NOVA1: variants seen among roughly 807,000 people sequenced by gnomAD.
NOVA1 encodes NOVA alternative splicing regulator 1.
NOVA1 carries 7 observed loss-of-function variants against 38.0 expected under a neutral mutation model. That is an observed-to-expected ratio of 0.18 (90% CI 0.10 to 0.35). The LOEUF is 0.35. NOVA1 is among the 10% of genes least tolerant of loss of function. The pLI, the probability that NOVA1 is intolerant of heterozygous loss-of-function variation, is 1.00. For synonymous variants in NOVA1, 270 were observed against 232.5 expected, an observed-to-expected ratio of 1.16 and a Z score of -1.47; for missense variants, 460 against 616.0, an observed-to-expected ratio of 0.75 and a Z score of 2.68.
At chr14:26,528,421 T>C (rs1313677163) in intron 2 of NOVA1, among the ~76,000 whole-genome samples, 1 of 152,076 alleles carries the variant, frequency 6.6e-6, no homozygotes, top group African/African-American at 2.4e-5. Flanking sequence ...CTAAGCCATG[T>C]AGGGCCAACT....
At chr14:26,470,336 A>G in intron 4 of NOVA1, 1 of 1,461,488 alleles carries the variant, frequency 6.8e-7, no homozygotes. Context: ...CTACCACATG[A>G]TTAGAATCTA....
rs180850606 is a variant in NOVA1 at position 26,534,633 on chromosome 14, G to C, written c.281-54490C>G. Among the ~76,000 whole-genome samples the C allele has an allele frequency of 1.3e-4, 20 of 152,054 alleles. No individual in the cohort carries two copies. In the East Asian group the frequency reaches 3.3e-3, roughly 25 times the overall value. On this transcript the variant is annotated intron_variant, in intron 2 of 4. Coordinates refer to ENST00000539517, the MANE Select transcript of NOVA1 (RefSeq NM_002515.3). ...ATAAAATTAATAATTATTCTATATG[G>C]GCAGGCTGAATAAAGGTCACTCACA...
At chr14:26,551,478 T>C (rs182728190) in intron 2 of NOVA1, among the ~76,000 whole-genome samples, 2 of 152,218 alleles carry the variant, frequency 1.3e-5, no homozygotes, top group Admixed American at 1.3e-4. Context: ...AATAGATCGA[T>C]ATCACAAACT....
At chr14:26,497,353 T>C (rs542988606) in intron 2 of NOVA1, among the ~76,000 whole-genome samples, 2 of 152,264 alleles carry the variant, frequency 1.3e-5, no homozygotes, top group Admixed American at 1.3e-4. Flanking sequence ...ATCAATATCA[T>C]GAAAATGGCC....
intron 4 of NOVA1, among the ~76,000 whole-genome samples, chr14:26,450,526 A>G (rs577621499): frequency 6.6e-6 from 1 of 152,298 alleles, no homozygotes; most frequent in Admixed American, 6.5e-5. Flanking sequence ...TCAAGAACTT[A>G]GAAAGTTTGA....
At chr14:26,540,966 C>G (rs1890431072) in intron 2 of NOVA1, among the ~76,000 whole-genome samples, 1 of 151,870 alleles carries the variant, frequency 6.6e-6, no homozygotes, top group Non-Finnish European at 1.5e-5. Context: ...AGAGTTTTAT[C>G]AACAGAGATA....
chr14:26,578,436 G>A (rs943147269), intron 2 of NOVA1, among the ~76,000 whole-genome samples: 7 of 151,918 alleles, frequency 4.6e-5, no homozygotes, highest in Non-Finnish European at 1.0e-4. Flanking sequence ...TGATACTGCA[G>A]GAAAGTGGAG....
At chr14:26,504,237 G>A (rs1347170725) in intron 2 of NOVA1, among the ~76,000 whole-genome samples, 1 of 152,034 alleles carries the variant, frequency 6.6e-6, no homozygotes, top group South Asian at 2.1e-4. Flanking sequence ...ACTATGTAGC[G>A]TACATCTGGA....
intron 4 of NOVA1, among the ~76,000 whole-genome samples, chr14:26,462,421 TATC>T (rs1260495722): frequency 6.6e-6 from 1 of 152,194 alleles, no homozygotes; most frequent in African/African-American, 2.4e-5. Flanking sequence ...AATGTGCTCT[TATC>T]ATGTGATAGT....
At chr14:26,470,333 A>G (rs754965756) in intron 4 of NOVA1, 2 of 1,455,242 alleles carry the variant, frequency 1.4e-6, no homozygotes, top group Non-Finnish European at 1.9e-6. Flanking sequence ...GCCCTACCAC[A>G]TGATTAGAAT....
Position 26,448,427 on chromosome 14 carries a change from G to A in NOVA1, c.1056C>T (p.Ala352=), listed in dbSNP as rs377443338. The part of the protein sequence containing the change: ...TGALAAAAAS[A]NPAAAAANLL... ...AATTGGCTGCTGCTGCTGCTGGGTT[G>A]GCACTGGCAGCTGCTGCAGCCAAAG... The change falls in exon 5 of 5, where the codon GCC becomes GCT. Residue 352 remains alanine (A), a synonymous_variant. Coordinates refer to ENST00000539517, the MANE Select transcript of NOVA1 (RefSeq NM_002515.3). The surrounding 1 kb of genome is among the most constrained non-coding windows in gnomAD (Gnocchi z 5.3). 6.2e-7 allele frequency: 1 copy of A among 1,611,410 alleles called. No individual in the cohort carries two copies. Among genetic ancestry groups the A allele is most frequent in the South Asian group, 1.1e-5 (1 of 90,972 alleles).
In NOVA1 at chr14:26,448,869, A is replaced by G. The variant is rs1196316174; in HGVS notation, c.614T>C (p.Val205Ala). ...CCCATCAGGTTTCTGGGAAAGCTGC[A>G]CCCAAGCCCCTGACTGCTCCATTAC... ...KAVMEQSGAW[V>A]QLSQKPDGIN... The change falls in exon 5 of 5, where the codon GTG becomes GCG. Residue 205 changes from valine to alanine, a missense_variant. Val to Ala is a moderately conservative substitution (Grantham distance 64). Coordinates refer to ENST00000539517, the MANE Select transcript of NOVA1 (RefSeq NM_002515.3). The surrounding 1 kb of genome is among the most constrained non-coding windows in gnomAD (Gnocchi z 5.3). 2 of 1,614,008 alleles carry G rather than the reference A, an allele frequency of 1.2e-6. No homozygotes were observed. Among genetic ancestry groups the G allele is most frequent in the South Asian group, 1.1e-5 (1 of 91,076 alleles).
chr14:26,470,158 A>C, intron 4 of NOVA1: 1 of 780,922 alleles, frequency 1.3e-6, no homozygotes, highest in Non-Finnish European at 1.6e-6. Flanking sequence ...CTGAATATTG[A>C]CAGTCCATTA....
chr14:26,518,521 T>C (rs1210958722), intron 2 of NOVA1, among the ~76,000 whole-genome samples: 2 of 152,096 alleles, frequency 1.3e-5, no homozygotes, highest in African/African-American at 4.8e-5. Context: ...AGTTTCACTC[T>C]GAATTGACAC....
intron 2 of NOVA1, among the ~76,000 whole-genome samples, chr14:26,516,936 C>T (rs985382745): frequency 7.1e-5 from 10 of 140,602 alleles, no homozygotes; most frequent in African/African-American, 2.7e-4. Context: ...GATGGAGTCT[C>T]GCTCTGTTGC....
intron 2 of NOVA1, among the ~76,000 whole-genome samples, chr14:26,580,397 CAT>C (rs1362750863): frequency 2.6e-5 from 4 of 152,068 alleles, no homozygotes; most frequent in Non-Finnish European, 2.9e-5. Flanking sequence ...ATATGTTTCA[CAT>C]GAGATTATTA....
intron 3 of NOVA1, among the ~76,000 whole-genome samples, chr14:26,475,736 A>T (rs1228671462): frequency 2.0e-5 from 3 of 152,188 alleles, no homozygotes; most frequent in Non-Finnish European, 4.4e-5. Context: ...ATAGTTTTTT[A>T]AAAAATCAAG....
At chr14:26,503,055 A>G (rs1344759276) in intron 2 of NOVA1, among the ~76,000 whole-genome samples, 1 of 152,060 alleles carries the variant, frequency 6.6e-6, no homozygotes. Flanking sequence ...TCTTTTCCAC[A>G]TAGGTTCTCC....
chr14:26,466,740 T>A (rs1158335066), intron 4 of NOVA1, among the ~76,000 whole-genome samples: 1 of 152,170 alleles, frequency 6.6e-6, no homozygotes, highest in African/African-American at 2.4e-5. Flanking sequence ...GTTTAATTCA[T>A]GAGGACTTGA....
Sources: gnomAD v4.1 joint callset for allele counts (sites outside exome capture counted in the v4.1 genomes callset) on GRCh38, gnomAD v4.1.1 for gene constraint, Gnocchi (gnomAD v3.1) non-coding constraint, MANE v1.5 for transcripts, NCBI Gene and HGNC (gene_info 2026-07-23, HGNC 2026-07-21) for gene names.